Variants in DAB1 observed in about 807,000 individuals in gnomAD.
DAB1 encodes the protein DAB adaptor protein 1.
DAB1 carries 15 observed loss-of-function variants against 64.6 expected under a neutral mutation model. The observed-to-expected ratio is 0.23, with a 90% CI of 0.16 to 0.36. The LOEUF (loss-of-function observed/expected upper bound fraction) is 0.36. DAB1 is among the 10% of genes least tolerant of loss of function. The pLI is 1.00. For synonymous variants in DAB1, 235 were observed against 251.9 expected (o/e 0.93, Z 0.64); for missense variants, 596 against 706.7 (o/e 0.84, Z 1.78).
chr1:57,856,180 A>AGAAGAAGCT (rs1434202180), intron 1 of DAB1, among the ~76,000 whole-genome samples: 2 of 130,460 alleles, frequency 1.5e-5, no homozygotes, highest in East Asian at 4.4e-4. Context: ...GCTAGAAAAG[A>AGAAGAAGCT]GAAGAAGCTG....
chr1:57,402,431 C>G (rs865960847), intron 1 of DAB1, among the ~76,000 whole-genome samples: 10 of 152,218 alleles, frequency 6.6e-5, no homozygotes, highest in South Asian at 6.2e-4. Flanking sequence ...GTTACAGTCA[C>G]GTTTAAGGGC....
chr1:58,114,714 C>T (rs1013391217), intron 5 of DAB1, among the ~76,000 whole-genome samples: 12 of 152,206 alleles, frequency 7.9e-5, no homozygotes, highest in Admixed American at 2.6e-4. Context: ...TGACGTAGAA[C>T]ATTTTACAGC....
intron 1 of DAB1, among the ~76,000 whole-genome samples, chr1:57,312,548 A>G (rs900586783): frequency 6.6e-6 from 1 of 152,254 alleles, no homozygotes; most frequent in African/African-American, 2.4e-5. Context: ...AGGCAAAGGT[A>G]GTAAGTGTCA....
intron 3 of DAB1, among the ~76,000 whole-genome samples, chr1:58,387,698 G>A (rs1277508618): frequency 6.6e-6 from 1 of 151,090 alleles, no homozygotes; most frequent in Non-Finnish European, 1.5e-5. Context: ...TTTCTAGGGA[G>A]GGCATCTTTT....
At chr1:58,031,024 T>G (rs555045145) in intron 5 of DAB1, among the ~76,000 whole-genome samples, 1 of 152,266 alleles carries the variant, frequency 6.6e-6, no homozygotes, top group Middle Eastern at 3.4e-3. Flanking sequence ...AGGTAGGAAG[T>G]TCAAAGATGT....
At chr1:57,760,248 C>T (rs1649013750) in intron 6 of DAB1, among the ~76,000 whole-genome samples, 1 of 152,134 alleles carries the variant, frequency 6.6e-6, no homozygotes, top group Non-Finnish European at 1.5e-5. Flanking sequence ...ATGGCCTTGC[C>T]ACCCAGATAC....
chr1:57,214,640 G>C (rs1191165855), intron 2 of DAB1, among the ~76,000 whole-genome samples: 3 of 152,172 alleles, frequency 2.0e-5, no homozygotes, highest in African/African-American at 7.2e-5. Context: ...GCCGGGCGCA[G>C]TGGCTCACAC....
chr1:57,940,996 C>A (rs1238012228), intron 5 of DAB1, among the ~76,000 whole-genome samples: 3 of 152,194 alleles, frequency 2.0e-5, no homozygotes, highest in Non-Finnish European at 4.4e-5. Context: ...GAGAGCAATG[C>A]AGTGAGCATC....
At chr1:57,838,495 T>C (rs757325757) in intron 1 of DAB1, among the ~76,000 whole-genome samples, 2 of 152,126 alleles carry the variant, frequency 1.3e-5, no homozygotes, top group Non-Finnish European at 2.9e-5. Context: ...ATGTGGAAAG[T>C]ATAGAAATAT....
chr1:58,482,051 G>T (rs1464579445), intron 3 of DAB1, among the ~76,000 whole-genome samples: 2 of 152,174 alleles, frequency 1.3e-5, no homozygotes, highest in Non-Finnish European at 2.9e-5. Flanking sequence ...ACATTGCAAA[G>T]GAAGGAAAAG....
chr1:58,080,467 C>CTGTCCAGCTTTTAGGA (rs1649928601), intron 5 of DAB1, among the ~76,000 whole-genome samples: 3 of 152,322 alleles, frequency 2.0e-5, no homozygotes. Flanking sequence ...AATAAAGATT[C>CTGTCCAGCTTTTAGGA]CGCTGGATAC....
intron 3 of DAB1, among the ~76,000 whole-genome samples, chr1:58,369,493 C>T (rs912912354): frequency 6.6e-6 from 1 of 152,100 alleles, no homozygotes; most frequent in Non-Finnish European, 1.5e-5. Context: ...TCTTATAATC[C>T]ATGACATCTT....
At chr1:57,407,938 A>G (rs952335356) in intron 1 of DAB1, among the ~76,000 whole-genome samples, 2 of 152,220 alleles carry the variant, frequency 1.3e-5, no homozygotes, top group African/African-American at 4.8e-5. Context: ...TGATGAGACC[A>G]AAGAGTCAGA....
At chr1:58,343,383 G>C (rs968147747) in exon 4 of DAB1, 1 of 152,130 alleles carries the variant, frequency 6.6e-6, no homozygotes, top group South Asian at 2.1e-4. Context: ...GGTTTTCAGG[G>C]GCATTCAAGA....
At chr1:57,735,690 T>C (rs140659686) in intron 6 of DAB1, among the ~76,000 whole-genome samples, 89 of 151,136 alleles carry the variant, frequency 5.9e-4, no homozygotes, top group African/African-American at 1.9e-3. Flanking sequence ...TTTCCTGGTA[T>C]AGTTGAAAAA....
At chr1:58,380,862 G>C (rs1017216818) in intron 3 of DAB1, among the ~76,000 whole-genome samples, 13 of 152,178 alleles carry the variant, frequency 8.5e-5, no homozygotes, top group Middle Eastern at 3.2e-3. Flanking sequence ...TGCAGTACTA[G>C]TCACAATAGC....
At chr1:58,210,413 C>T (rs766367447) in intron 4 of DAB1, among the ~76,000 whole-genome samples, 3 of 152,220 alleles carry the variant, frequency 2.0e-5, no homozygotes, top group Admixed American at 6.5e-5. Flanking sequence ...GATCATGGAG[C>T]TCTCAGTATG....
At chr1:57,655,857 C>G (rs143884899) in intron 6 of DAB1, among the ~76,000 whole-genome samples, 1 of 152,208 alleles carries the variant, frequency 6.6e-6, no homozygotes, top group East Asian at 1.9e-4. Flanking sequence ...GTTGAAGAAC[C>G]TCTACCCCTA....
Position 57,546,066 on chromosome 1 carries a change from AGTGTGTGT to A in DAB1, n.625+103518_625+103525del, listed in dbSNP as rs61208960. Among the ~76,000 whole-genome samples, 40 of 147,424 alleles carry A rather than the reference AGTGTGTGT, an allele frequency of 2.7e-4. No individual in the cohort carries two copies. The East Asian group carries it at 3.2e-3, about 12-fold the overall frequency. ...TAAAGCTAAGAGCTGAGCAGAGGGG[AGTGTGTGT>A]GTGTGTGTGTGTGTGTGTGTGTGTG... On this transcript the variant is annotated intron_variant and non_coding_transcript_variant, in intron 7 of 20. Transcript: ENST00000485760.
Sources: gnomAD v4.1 joint callset for allele counts (sites outside exome capture counted in the v4.1 genomes callset) on GRCh38, gnomAD v4.1.1 for gene constraint, MANE v1.5 for transcripts, NCBI Gene and HGNC (gene_info 2026-07-23, HGNC 2026-07-21) for gene names.